The following SH3RF2 variants were observed in gnomAD, a reference collection of about 807,000 sequenced individuals.
SH3RF2 encodes the protein E3 ubiquitin-protein ligase SH3RF2.
A neutral mutation model predicts 59.0 loss-of-function variants in SH3RF2; 43 were observed. That is an observed-to-expected ratio of 0.73 (90% CI 0.57 to 0.94). SH3RF2 has a LOEUF of 0.94. SH3RF2 is among the 40% of genes least tolerant of loss of function. The probability of loss-of-function intolerance (pLI) is 0.00; values close to 1 mark genes in which losing one functional copy is unlikely to be tolerated. For synonymous variants in SH3RF2, 391 were observed against 391.5 expected, an observed-to-expected ratio of 1.00 and a Z score of 0.01; for missense variants, 930 against 940.1, an observed-to-expected ratio of 0.99 and a Z score of 0.14.
intron 5 of SH3RF2, among the ~76,000 whole-genome samples, chr5:146,028,205 C>G (rs1203517341): frequency 7.3e-5 from 8 of 109,392 alleles, no homozygotes; most frequent in African/African-American, 2.0e-4. Flanking sequence ...CACACACACA[C>G]ACACAGAGAT....
At position 145,957,416 on chromosome 5, in the gene SH3RF2, G is replaced by C. The variant is rs149787753; in HGVS notation, c.378+19110G>C. On this transcript the variant is annotated intron_variant, in intron 2 of 9. Coordinates refer to ENST00000359120, the MANE Select transcript of SH3RF2 (RefSeq NM_152550.4). ...AAGCGGATGAATTTAAGAGTAAATT[G>C]AAAGTGGAAGAGTAAATTTGCAGTA... 1.8e-4 allele frequency among the ~76,000 whole-genome samples: 28 copies of C among 152,268 alleles called. 1 individual carries two copies. The highest frequency in any genetic ancestry group is 6.7e-4 in the African/African-American group (28 of 41,554).
At chr5:145,938,907 G>C (rs1757703759) in intron 2 of SH3RF2, among the ~76,000 whole-genome samples, 1 of 152,254 alleles carries the variant, frequency 6.6e-6, no homozygotes, top group Admixed American at 6.5e-5. Flanking sequence ...AAGTGCTTCA[G>C]CTGTGTATAG....
intron 5 of SH3RF2, among the ~76,000 whole-genome samples, chr5:146,018,496 A>C (rs1349147272): frequency 1.3e-5 from 2 of 151,650 alleles, no homozygotes; most frequent in East Asian, 3.9e-4. Context: ...ATATATCTAT[A>C]TATAGATATA....
At chr5:145,979,837 C>T (rs1759442730) in intron 2 of SH3RF2, among the ~76,000 whole-genome samples, 2 of 152,142 alleles carry the variant, frequency 1.3e-5, no homozygotes, top group African/African-American at 4.8e-5. Flanking sequence ...ACTTACTATG[C>T]ATTATTCACT....
At chr5:146,073,327 G>A (rs1466304658) in intron 9 of SH3RF2, among the ~76,000 whole-genome samples, 1 of 152,254 alleles carries the variant, frequency 6.6e-6, no homozygotes, top group Non-Finnish European at 1.5e-5. Context: ...CAGCCAGCAA[G>A]CACATTAGTG....
intron 2 of SH3RF2, among the ~76,000 whole-genome samples, chr5:145,966,886 G>A (rs574893877): frequency 6.6e-6 from 1 of 152,226 alleles, no homozygotes; most frequent in Admixed American, 6.5e-5. Flanking sequence ...GCTGGGCATG[G>A]TGGTGCACTC....
intron 2 of SH3RF2, among the ~76,000 whole-genome samples, chr5:145,964,117 C>A (rs1334461486): frequency 6.6e-6 from 1 of 151,998 alleles, no homozygotes; most frequent in Non-Finnish European, 1.5e-5. Flanking sequence ...CAGGTGTAAG[C>A]CACCGTGCCC....
chr5:145,997,441 A>C, intron 2 of SH3RF2: 1 of 1,454,998 alleles, frequency 6.9e-7, no homozygotes, highest in Non-Finnish European at 9.7e-7. Flanking sequence ...GGCTGGTGCA[A>C]GGATGTTTAT....
chr5:146,024,636 C>T (rs187783127), intron 5 of SH3RF2, among the ~76,000 whole-genome samples: 97 of 152,208 alleles, frequency 6.4e-4, no homozygotes, highest in African/African-American at 2.3e-3. Flanking sequence ...AATTCAAATT[C>T]ATAAGTATTT....
In SH3RF2 at chr5:145,992,315, A is replaced by G. The variant is rs761237435; in HGVS notation, c.379-7743A>G. On this transcript the variant is annotated intron_variant, in intron 2 of 9. Transcript: ENST00000359120. ...ACTTAACCTGGGAGGTTGAGGCTAC[A>G]GAGGCCAAGACCATGACACTGCACT... is the stretch of plus-strand genomic sequence containing the variant. Among the ~76,000 whole-genome samples the G allele has an allele frequency of 1.8e-4, 27 of 152,160 alleles. 1 individual carries two copies. The highest frequency in any genetic ancestry group is 3.1e-4 in the Non-Finnish European group (21 of 68,032).
intron 2 of SH3RF2, among the ~76,000 whole-genome samples, chr5:145,942,920 T>A (rs1250410432): frequency 6.6e-6 from 1 of 152,166 alleles, no homozygotes; most frequent in Non-Finnish European, 1.5e-5. Context: ...CAGGATTCAA[T>A]TGTTTGTTAG....
intron 5 of SH3RF2, among the ~76,000 whole-genome samples, chr5:146,038,411 A>C (rs1205155663): frequency 1.3e-5 from 2 of 152,220 alleles, no homozygotes; most frequent in Non-Finnish European, 2.9e-5. Flanking sequence ...AGATGATACT[A>C]TTGTCTATAT....
chr5:145,991,737 T>C (rs1157283390), intron 2 of SH3RF2, among the ~76,000 whole-genome samples: 1 of 152,212 alleles, frequency 6.6e-6, no homozygotes, highest in Non-Finnish European at 1.5e-5. Flanking sequence ...TTTGAGCATT[T>C]TGTGCAATTT....
In SH3RF2 at chr5:146,010,692, C is replaced by T. The variant is rs9686822; in HGVS notation, c.745-3055C>T. On this transcript the variant is annotated intron_variant, in intron 4 of 9. Transcript: ENST00000359120. ...TAAATGTCTTCTTTTGAGAAGTGTA[C>T]GTTCATATCTTTTGCCCACTTGTTG... Among the ~76,000 whole-genome samples, 784 of 152,030 alleles carry T rather than the reference C, an allele frequency of 5.2e-3. 6 individuals carry two copies. Among genetic ancestry groups the T allele is most frequent in the African/African-American group, 0.018 (730 of 41,446 alleles).
chr5:146,055,647 C>A (rs1762638288), intron 7 of SH3RF2, among the ~76,000 whole-genome samples: 1 of 152,150 alleles, frequency 6.6e-6, no homozygotes, highest in Non-Finnish European at 1.5e-5. Context: ...GGATCTTATG[C>A]TCTGAGCTTA....
At chr5:145,960,163 C>A (rs1758578814) in intron 2 of SH3RF2, among the ~76,000 whole-genome samples, 1 of 152,188 alleles carries the variant, frequency 6.6e-6, no homozygotes. Flanking sequence ...ATCAAACCTC[C>A]TGCCTCAGCC....
At chr5:145,999,360 T>A (rs1289564855) in intron 2 of SH3RF2, among the ~76,000 whole-genome samples, 1 of 152,230 alleles carries the variant, frequency 6.6e-6, no homozygotes, top group Admixed American at 6.5e-5. Flanking sequence ...CACTTACTTA[T>A]CATTTATGTA....
chr5:145,970,107 C>A (rs1289478663), intron 2 of SH3RF2, among the ~76,000 whole-genome samples: 1 of 152,078 alleles, frequency 6.6e-6, no homozygotes. Flanking sequence ...TTAATCTTCA[C>A]AGATTATTGT....
rs142753699 is a variant in SH3RF2 at position 146,004,131 on chromosome 5, T to C, written c.722T>C (p.Ile241Thr). 3 of 1,612,556 alleles carry C rather than the reference T, an allele frequency of 1.9e-6. No individual in the cohort carries two copies. Among genetic ancestry groups the C allele is most frequent in the Non-Finnish European group, 2.5e-6 (3 of 1,178,932 alleles). ...AEGKLGDKVGIFPILFVEPNL... is the reference protein window; with the variant it reads ...AEGKLGDKVGTFPILFVEPNL... ...GGCAAGTTAGGAGATAAAGTAGGCA[T>C]CTTCCCTATCTTGTTTGTAGAGGTA... is the stretch of plus-strand genomic sequence containing the variant. The change falls in exon 4 of 10, where the codon ATC becomes ACC. Residue 241 changes from isoleucine (I) to threonine (T), a missense_variant. Ile to Thr is a moderately conservative substitution (Grantham distance 89). Coordinates refer to ENST00000359120, the MANE Select transcript of SH3RF2 (RefSeq NM_152550.4).
Sources: gnomAD v4.1 joint callset for allele counts (sites outside exome capture counted in the v4.1 genomes callset) on GRCh38, gnomAD v4.1.1 for gene constraint, MANE v1.5 for transcripts, NCBI Gene and HGNC (gene_info 2026-07-23, HGNC 2026-07-21) for gene names.